JPH1: variants seen among roughly 807,000 people sequenced by gnomAD.
JPH1 encodes junctophilin-1.
A neutral mutation model predicts 53.6 loss-of-function variants in JPH1; 12 were observed. That is an observed-to-expected ratio of 0.22 (90% CI 0.14 to 0.36). JPH1 has a LOEUF of 0.36. Among genes scored for constraint, JPH1 ranks in the 10% least tolerant of loss-of-function variants. JPH1 has a pLI of 1.00. For synonymous variants in JPH1, 375 were observed against 363.8 expected, an observed-to-expected ratio of 1.03 and a Z score of -0.35; for missense variants, 808 against 905.5, an observed-to-expected ratio of 0.89 and a Z score of 1.38.
intron 2 of JPH1, among the ~76,000 whole-genome samples, chr8:74,301,581 T>C (rs28698499): frequency 0.018 from 2,687 of 152,260 alleles, 97 homozygotes; most frequent in African/African-American, 0.061. Flanking sequence ...GAACTCACAC[T>C]GTACACTTTC....
intron 2 of JPH1, among the ~76,000 whole-genome samples, chr8:74,311,450 C>G (rs1417983919): frequency 2.0e-5 from 3 of 152,116 alleles, no homozygotes; most frequent in African/African-American, 7.2e-5. Context: ...AATAATGTAG[C>G]TAAAAGTCCT....
intron 2 of JPH1, among the ~76,000 whole-genome samples, chr8:74,270,075 C>A (rs1806653814): frequency 6.6e-6 from 1 of 151,038 alleles, no homozygotes; most frequent in African/African-American, 2.5e-5. Context: ...ACATTTTGAG[C>A]TTTCTTCTCC....
At chr8:74,262,693 T>C (rs1345734322) in intron 2 of JPH1, among the ~76,000 whole-genome samples, 2 of 152,264 alleles carry the variant, frequency 1.3e-5, no homozygotes, top group African/African-American at 4.8e-5. Context: ...TAGGGCTATA[T>C]ATTTTTAACA....
chr8:74,249,434 C>A (rs1185941979), intron 3 of JPH1, among the ~76,000 whole-genome samples: 1 of 152,194 alleles, frequency 6.6e-6, no homozygotes, highest in African/African-American at 2.4e-5. Flanking sequence ...TAGGACTTCA[C>A]AGTCCCGTCT....
chr8:74,243,808 AAC>A (rs2131376383), intron 4 of JPH1, among the ~76,000 whole-genome samples: 1 of 152,368 alleles, frequency 6.6e-6, no homozygotes, highest in South Asian at 2.1e-4. Flanking sequence ...ATTTTTCAAT[AAC>A]ACAGAGCTTT....
At chr8:74,270,270 C>T (rs1371625358) in intron 2 of JPH1, among the ~76,000 whole-genome samples, 1 of 152,186 alleles carries the variant, frequency 6.6e-6, no homozygotes, top group Non-Finnish European at 1.5e-5. Flanking sequence ...TTCCCCAAAT[C>T]ACCAAATTAG....
intron 4 of JPH1, among the ~76,000 whole-genome samples, chr8:74,237,626 G>T (rs1362973784): frequency 6.6e-6 from 1 of 152,216 alleles, no homozygotes; most frequent in African/African-American, 2.4e-5. Context: ...CCTACGAACG[G>T]CTGGGAGTTA....
rs866152338 is a variant in JPH1 at position 74,249,504 on chromosome 8, A to T, written c.1259-4329T>A. Among the ~76,000 whole-genome samples the T allele has an allele frequency of 3.2e-4, 48 of 152,290 alleles. No individual in the cohort carries two copies. The Middle Eastern group carries it at 0.01, about 32-fold the overall frequency. On this transcript the variant is annotated intron_variant, in intron 3 of 5. Transcript: ENST00000342232. ...AGTGCTCTGGTCTGCAAACTGTGGG[A>T]CATCCTTTCTAGTACCCTGCACTTG...
chr8:74,303,117 G>A (rs887552880), intron 2 of JPH1, among the ~76,000 whole-genome samples: 1 of 152,138 alleles, frequency 6.6e-6, no homozygotes, highest in African/African-American at 2.4e-5. Context: ...CTTAATGTGA[G>A]AACTGCTTTA....
intron 2 of JPH1, among the ~76,000 whole-genome samples, chr8:74,278,781 T>C (rs1228405958): frequency 6.6e-6 from 1 of 152,196 alleles, no homozygotes; most frequent in African/African-American, 2.4e-5. Context: ...AGAGACTTAA[T>C]GGGGTGCTGG....
At chr8:74,316,455 CGTATGAGAA>C (rs1808161162) in intron 1 of JPH1, among the ~76,000 whole-genome samples, 1 of 152,204 alleles carries the variant, frequency 6.6e-6, no homozygotes, top group African/African-American at 2.4e-5. Flanking sequence ...GGAATTACTT[CGTATGAGAA>C]CACAAAATTC....
rs1370331385 is a variant in JPH1, at chr8:74,321,106, T to C, written c.182A>G (p.Gln61Arg). Residue 61 changes from glutamine to arginine, a missense_variant, in exon 1 of 6, where the codon CAG (glutamine) becomes CGG (arginine). Gln to Arg is a conservative substitution (Grantham distance 43, BLOSUM62 1). Around this residue, in one of 2 missense-constraint regions of JPH1, gnomAD observed 52 missense variants for 93.6 expected, o/e 0.56. Transcript: ENST00000342232. This position sits in a 1 kb window ranked among gnomAD's most constrained non-coding sequence, Gnocchi z 4.3. ...GYTWPSGNTYQGYWAQGKRHG... is the reference protein window; with the variant it reads ...GYTWPSGNTYRGYWAQGKRHG... ...CCGCTTGCCCTGCGCCCAGTAGCCC[T>C]GGTAGGTGTTGCCGCTGGGCCAGGT... 1.9e-6 allele frequency: 3 copies of C among 1,613,446 alleles called. No individual in the cohort carries two copies. The Admixed American group carries it at 5.0e-5, about 27-fold the overall frequency.
rs997851879 is a variant in JPH1 at position 74,292,064 on chromosome 8, T to C, written c.1139+22797A>G. On this transcript the variant is annotated intron_variant, in intron 2 of 5. Coordinates refer to ENST00000342232, the MANE Select transcript of JPH1 (RefSeq NM_020647.4). ...GGGGCAGGGATAGCATTAGGAGATA[T>C]ACTTAATGTAAATGACGAGTTAATG... Among the ~76,000 whole-genome samples the C allele has an allele frequency of 2.1e-4, 32 of 152,230 alleles. 1 individual carries two copies. In the East Asian group the frequency reaches 5.6e-3, roughly 27 times the overall value.
At chr8:74,311,070 C>T (rs191928437) in intron 2 of JPH1, among the ~76,000 whole-genome samples, 3 of 152,124 alleles carry the variant, frequency 2.0e-5, no homozygotes, top group Non-Finnish European at 4.4e-5. Flanking sequence ...GGACTACAGG[C>T]GTATGCCACC....
intron 4 of JPH1, among the ~76,000 whole-genome samples, chr8:74,239,228 A>G (rs1057149866): frequency 6.6e-6 from 1 of 151,778 alleles, no homozygotes; most frequent in Non-Finnish European, 1.5e-5. Flanking sequence ...TATTAGTTCC[A>G]TTTTACAGAG....
At chr8:74,299,042 CT>C (rs1424684035) in intron 2 of JPH1, among the ~76,000 whole-genome samples, 1 of 152,172 alleles carries the variant, frequency 6.6e-6, no homozygotes, top group Non-Finnish European at 1.5e-5. Flanking sequence ...CACTGGTGAC[CT>C]TTACTGCCTT....
intron 2 of JPH1, among the ~76,000 whole-genome samples, chr8:74,266,488 T>C (rs547396141): frequency 6.6e-6 from 1 of 151,734 alleles, no homozygotes; most frequent in African/African-American, 2.4e-5. Flanking sequence ...GTACCTAGAG[T>C]AGTCAAATTC....
chr8:74,296,443 A>G (rs975245478), intron 2 of JPH1, among the ~76,000 whole-genome samples: 1 of 152,214 alleles, frequency 6.6e-6, no homozygotes, highest in Non-Finnish European at 1.5e-5. Context: ...TAGCAACTCT[A>G]TCTGGCTTTA....
At chr8:74,289,791 T>C (rs1373734378) in intron 2 of JPH1, among the ~76,000 whole-genome samples, 1 of 152,234 alleles carries the variant, frequency 6.6e-6, no homozygotes, top group Non-Finnish European at 1.5e-5. Flanking sequence ...GGCTGCTGAA[T>C]CTTGTTGAAG....
Sources: gnomAD v4.1 joint callset for allele counts (sites outside exome capture counted in the v4.1 genomes callset) on GRCh38, gnomAD v4.1.1 for gene constraint, gnomAD v4.1.1 regional missense constraint, Gnocchi (gnomAD v3.1) non-coding constraint, MANE v1.5 for transcripts, NCBI Gene and HGNC (gene_info 2026-07-23, HGNC 2026-07-21) for gene names.